Variants in GSG1L observed in about 807,000 individuals in gnomAD.
GSG1L encodes GSG1 like.
In GSG1L, 24 loss-of-function variants were observed where a neutral mutation model predicts 42.1. The observed-to-expected ratio is 0.57, with a 90% CI of 0.41 to 0.80. The LOEUF is 0.80. Ranked by LOEUF, GSG1L falls within the 30% of genes least tolerant of loss-of-function variation. The probability of loss-of-function intolerance (pLI) is 0.00; values close to 1 mark genes in which losing one functional copy is unlikely to be tolerated. For synonymous variants in GSG1L, 215 were observed against 203.5 expected, an observed-to-expected ratio of 1.06 and a Z score of -0.48; for missense variants, 445 against 472.2, an observed-to-expected ratio of 0.94 and a Z score of 0.53.
intron 5 of GSG1L, among the ~76,000 whole-genome samples, chr16:27,812,632 G>A (rs79989774): frequency 0.082 from 12,516 of 152,150 alleles, 593 homozygotes; most frequent in Non-Finnish European, 0.11. Flanking sequence ...GTGGGGAGCA[G>A]GGCTGGAATG....
chr16:27,803,598 G>A (rs1204462451), intron 6 of GSG1L, among the ~76,000 whole-genome samples: 2 of 151,892 alleles, frequency 1.3e-5, no homozygotes, highest in Admixed American at 6.6e-5. Context: ...ACCAGCAGAG[G>A]GTCCTTGAGC....
chr16:27,855,137 T>C (rs996515528), intron 3 of GSG1L, among the ~76,000 whole-genome samples: 10 of 152,164 alleles, frequency 6.6e-5, no homozygotes, highest in Admixed American at 1.3e-4. Context: ...AATTGATGAA[T>C]GAGGGAATGA....
chr16:27,846,662 A>T (rs1255936236), intron 3 of GSG1L, among the ~76,000 whole-genome samples: 1 of 152,182 alleles, frequency 6.6e-6, no homozygotes, highest in Non-Finnish European at 1.5e-5. Flanking sequence ...TCTGCTTCAA[A>T]ATCTGACCCT....
At chr16:27,949,143 CG>C (rs781010627) in intron 2 of GSG1L, among the ~76,000 whole-genome samples, 25 of 151,618 alleles carry the variant, frequency 1.6e-4, no homozygotes, top group Non-Finnish European at 3.2e-4. Context: ...TCTCTAACTC[CG>C]GGGCTCAAGC....
chr16:27,941,239 C>T lies in GSG1L; in HGVS notation c.397+21917G>A, dbSNP rs549351629. On this transcript the variant is annotated intron_variant, in intron 2 of 6. Transcript: ENST00000447459. ...CCCATGCAAGGAGAAAAAATATCTG[C>T]GAATCAGAGATATCTGATAAGGTGT... Among the ~76,000 whole-genome samples the T allele has an allele frequency of 2.9e-3, 439 of 152,084 alleles. 6 individuals carry two copies. Among genetic ancestry groups the T allele is most frequent in the Middle Eastern group, 6.8e-3 (2 of 294 alleles).
intron 1 of GSG1L, among the ~76,000 whole-genome samples, chr16:28,054,439 G>T (rs2086257317): frequency 6.6e-6 from 1 of 152,022 alleles, no homozygotes; most frequent in South Asian, 2.1e-4. Context: ...GACCAGCCTG[G>T]CCAACATGGT....
intron 2 of GSG1L, among the ~76,000 whole-genome samples, chr16:27,907,467 G>A (rs1463865881): frequency 6.6e-6 from 1 of 152,198 alleles, no homozygotes; most frequent in Non-Finnish European, 1.5e-5. Flanking sequence ...TCCCAGCCCT[G>A]GAATGTTTGC....
chr16:28,054,962 C>T (rs2086262829), intron 1 of GSG1L, among the ~76,000 whole-genome samples: 1 of 152,158 alleles, frequency 6.6e-6, no homozygotes, highest in African/African-American at 2.4e-5. Context: ...TGGAACTACA[C>T]AGCGGTTGCC....
intron 3 of GSG1L, among the ~76,000 whole-genome samples, chr16:27,849,145 G>A (rs764071754): frequency 2.7e-5 from 4 of 147,682 alleles, no homozygotes; most frequent in Non-Finnish European, 4.4e-5. Flanking sequence ...CTGCAGTGAG[G>A]CAAGATCATA....
At chr16:28,039,640 C>T (rs1231890609) in intron 1 of GSG1L, among the ~76,000 whole-genome samples, 7 of 151,868 alleles carry the variant, frequency 4.6e-5, no homozygotes, top group African/African-American at 1.5e-4. Context: ...CGTGCGTGCA[C>T]ACACATGCAC....
intron 2 of GSG1L, among the ~76,000 whole-genome samples, chr16:27,946,617 G>GAA (rs1567529962): frequency 6.5e-4 from 19 of 29,032 alleles, no homozygotes; most frequent in African/African-American, 2.0e-3. Context: ...GAGAGAGAGA[G>GAA]AGAGAGAGAG....
intron 3 of GSG1L, among the ~76,000 whole-genome samples, chr16:27,847,104 T>C (rs1187862962): frequency 1.3e-5 from 2 of 152,230 alleles, no homozygotes; most frequent in Non-Finnish European, 2.9e-5. Flanking sequence ...AGAGACTTTT[T>C]GGTGAGTTAC....
intron 3 of GSG1L, among the ~76,000 whole-genome samples, chr16:27,868,910 C>T (rs1332889828): frequency 1.3e-5 from 2 of 152,138 alleles, no homozygotes; most frequent in African/African-American, 2.4e-5. Flanking sequence ...TTTCAGCCTC[C>T]GAGAAGGGCC....
At chr16:27,947,600 AAAG>A (rs1264168760) in intron 2 of GSG1L, among the ~76,000 whole-genome samples, 1 of 106,856 alleles carries the variant, frequency 9.4e-6, no homozygotes, top group Non-Finnish European at 2.0e-5. Flanking sequence ...AAAGAAAGAA[AAAG>A]AAAGAAAGAA....
intron 5 of GSG1L, among the ~76,000 whole-genome samples, chr16:27,812,788 T>C (rs537763590): frequency 3.2e-3 from 487 of 152,094 alleles, no homozygotes; most frequent in Non-Finnish European, 5.5e-3. Context: ...AATTTTTATT[T>C]ATTTATTTAT....
chr16:27,900,228 C>T (rs1450783240), intron 2 of GSG1L, among the ~76,000 whole-genome samples: 2 of 152,238 alleles, frequency 1.3e-5, no homozygotes, highest in Non-Finnish European at 2.9e-5. Flanking sequence ...GTGACAACCA[C>T]GCTCTACAGC....
At chr16:27,895,483 C>G (rs1478966261) in intron 2 of GSG1L, among the ~76,000 whole-genome samples, 1 of 152,182 alleles carries the variant, frequency 6.6e-6, no homozygotes, top group East Asian at 1.9e-4. Context: ...TGTATGGACC[C>G]CTGATATCTA....
At chr16:27,942,991 A>G (rs919033663) in intron 2 of GSG1L, among the ~76,000 whole-genome samples, 8 of 152,216 alleles carry the variant, frequency 5.3e-5, no homozygotes, top group African/African-American at 1.9e-4. Flanking sequence ...TGCAGGGTCC[A>G]CTGCTTCTAG....
intron 3 of GSG1L, among the ~76,000 whole-genome samples, chr16:27,846,622 G>T (rs1478603603): frequency 6.6e-6 from 1 of 152,176 alleles, no homozygotes; most frequent in Non-Finnish European, 1.5e-5. Context: ...AAGATACCTT[G>T]GTGGAACTCT....
Sources: gnomAD v4.1 joint callset for allele counts (sites outside exome capture counted in the v4.1 genomes callset) on GRCh38, gnomAD v4.1.1 for gene constraint, MANE v1.5 for transcripts, NCBI Gene and HGNC (gene_info 2026-07-23, HGNC 2026-07-21) for gene names.